The following FCHSD2 variants were observed in gnomAD, a reference collection of about 807,000 sequenced individuals.
The protein encoded by FCHSD2 is F-BAR and double SH3 domains protein 2.
In FCHSD2, 38 loss-of-function variants were observed where a neutral mutation model predicts 108.1. The ratio of observed to expected loss-of-function variants is 0.35; its 90% CI spans 0.27 to 0.46. The LOEUF is 0.46. FCHSD2 is among the 20% of genes least tolerant of loss of function. The pLI, the probability that FCHSD2 is intolerant of heterozygous loss-of-function variation, is 1.00. For synonymous variants in FCHSD2, 279 were observed against 314.7 expected (o/e 0.89, Z 1.20); for missense variants, 751 against 897.8 (o/e 0.84, Z 2.09).
intron 3 of FCHSD2, among the ~76,000 whole-genome samples, chr11:73,052,442 CGTTTAGTGACAATTAATAGT>C (rs1565386528): frequency 6.6e-6 from 1 of 151,878 alleles, no homozygotes; most frequent in African/African-American, 2.4e-5. Flanking sequence ...CTAAACAGTA[CGTTTAGTGACAATTAATAGT>C]GTAATTGTGA....
intron 2 of FCHSD2, among the ~76,000 whole-genome samples, chr11:73,128,384 A>G (rs1407041862): frequency 2.6e-5 from 4 of 152,206 alleles, no homozygotes; most frequent in African/African-American, 9.6e-5. Context: ...CATTACTGCC[A>G]CCACTACCTT....
chr11:73,076,511 G>A (rs1273563612), intron 3 of FCHSD2, among the ~76,000 whole-genome samples: 1 of 152,176 alleles, frequency 6.6e-6, no homozygotes, highest in Admixed American at 6.5e-5. Flanking sequence ...GAGACATAAA[G>A]CTGATGGTTA....
At chr11:72,982,589 T>C (rs974736412) in intron 8 of FCHSD2, among the ~76,000 whole-genome samples, 1 of 152,222 alleles carries the variant, frequency 6.6e-6, no homozygotes, top group Non-Finnish European at 1.5e-5. Context: ...AGGTTTCCTT[T>C]TCCTCTACTA....
intron 9 of FCHSD2, among the ~76,000 whole-genome samples, chr11:72,907,792 A>C (rs1003064928): frequency 2.6e-5 from 4 of 151,716 alleles, no homozygotes; most frequent in Non-Finnish European, 2.9e-5. Context: ...ACAGGGTTTC[A>C]CCATGTTAGC....
rs529940416 is a variant in FCHSD2, at chr11:72,878,187, G to A, written c.1146+9283C>T. Among the ~76,000 whole-genome samples the A allele has an allele frequency of 3.9e-5, 6 of 152,248 alleles. No homozygotes were observed. The South Asian group carries it at 6.2e-4, about 16-fold the overall frequency. The stretch of plus-strand genomic sequence containing the variant: ...ACAACTATTTTGGAGGCTGAGGCAG[G>A]AGGATCATTTGAGTCCAGGAGTTCA... On this transcript the variant is annotated intron_variant, in intron 12 of 19. Coordinates refer to ENST00000409418, the MANE Select transcript of FCHSD2 (RefSeq NM_014824.3).
At chr11:72,882,029 C>T (rs1361607360) in intron 12 of FCHSD2, among the ~76,000 whole-genome samples, 1 of 152,106 alleles carries the variant, frequency 6.6e-6, no homozygotes, top group East Asian at 1.9e-4. Flanking sequence ...CCTGTAGTCC[C>T]GGCTAGTTGG....
chr11:72,857,687 T>A (rs978401467), intron 13 of FCHSD2, among the ~76,000 whole-genome samples: 1 of 151,946 alleles, frequency 6.6e-6, no homozygotes, highest in African/African-American at 2.4e-5. Flanking sequence ...TGACCTCAGA[T>A]GATCCACCTG....
At chr11:73,016,111 T>C (rs897135374) in intron 3 of FCHSD2, among the ~76,000 whole-genome samples, 18 of 152,224 alleles carry the variant, frequency 1.2e-4, no homozygotes, top group African/African-American at 4.3e-4. Flanking sequence ...GAGACCAGCT[T>C]GGCCAACATG....
intron 3 of FCHSD2, among the ~76,000 whole-genome samples, chr11:73,048,819 G>C (rs548706214): frequency 6.6e-6 from 1 of 152,266 alleles, no homozygotes; most frequent in East Asian, 1.9e-4. Flanking sequence ...ATGAATATTT[G>C]CTGAGCAATA....
intron 3 of FCHSD2, among the ~76,000 whole-genome samples, chr11:73,068,852 A>C (rs1439192060): frequency 6.6e-6 from 1 of 151,160 alleles, no homozygotes; most frequent in Non-Finnish European, 1.5e-5. Context: ...AAAAAAATTA[A>C]AAAAACAAAA....
At chr11:72,871,527 CT>C (rs1204383347) in intron 12 of FCHSD2, among the ~76,000 whole-genome samples, 1 of 151,538 alleles carries the variant, frequency 6.6e-6, no homozygotes, top group African/African-American at 2.4e-5. Flanking sequence ...TAAGGTTCCA[CT>C]TACTTAACCT....
chr11:72,852,877 A>T (rs1185428742), intron 13 of FCHSD2, among the ~76,000 whole-genome samples: 1 of 152,202 alleles, frequency 6.6e-6, no homozygotes, highest in Non-Finnish European at 1.5e-5. Flanking sequence ...TCCTTAACAA[A>T]CTAATACAGG....
intron 3 of FCHSD2, among the ~76,000 whole-genome samples, chr11:73,030,304 A>G (rs1858328707): frequency 6.6e-6 from 1 of 152,156 alleles, no homozygotes; most frequent in Admixed American, 6.5e-5. Flanking sequence ...AAGTATGTAT[A>G]AGAGAAAGTT....
chr11:72,934,456 G>A (rs1400726596), intron 8 of FCHSD2, among the ~76,000 whole-genome samples: 3 of 150,836 alleles, frequency 2.0e-5, no homozygotes, highest in Non-Finnish European at 4.4e-5. Flanking sequence ...TCAGCCTCCC[G>A]AGTAGCTGGG....
At chr11:73,035,188 A>ATGTATGTG in intron 3 of FCHSD2, among the ~76,000 whole-genome samples, 1 of 141,542 alleles carries the variant, frequency 7.1e-6, no homozygotes, top group East Asian at 2.0e-4. Context: ...GTATGTATGT[A>ATGTATGTG]TGTATGTATG....
At chr11:73,032,193 C>T (rs919708917) in intron 3 of FCHSD2, among the ~76,000 whole-genome samples, 1 of 151,898 alleles carries the variant, frequency 6.6e-6, no homozygotes, top group Non-Finnish European at 1.5e-5. Context: ...AAAGTAAGAG[C>T]TTTTAGTTTT....
chr11:72,971,990 A>G (rs1438117468), intron 8 of FCHSD2, among the ~76,000 whole-genome samples: 1 of 152,232 alleles, frequency 6.6e-6, no homozygotes, highest in African/African-American at 2.4e-5. Context: ...ATATTTGTCA[A>G]AACTCAACCA....
At chr11:73,115,289 A>G (rs1417649148) in intron 2 of FCHSD2, among the ~76,000 whole-genome samples, 1 of 152,100 alleles carries the variant, frequency 6.6e-6, no homozygotes, top group Non-Finnish European at 1.5e-5. Context: ...AGCCAGTGCC[A>G]GGGTATGGAA....
chr11:72,949,399 G>C (rs191233090), intron 8 of FCHSD2, among the ~76,000 whole-genome samples: 1 of 151,894 alleles, frequency 6.6e-6, no homozygotes, highest in African/African-American at 2.4e-5. Context: ...ACAGTGAGCC[G>C]AGATCATGCC....
Sources: allele counts gnomAD v4.1 joint callset (sites outside exome capture counted in the v4.1 genomes callset), GRCh38; gene constraint gnomAD v4.1.1; transcripts MANE v1.5; gene names NCBI Gene and HGNC (gene_info 2026-07-23, HGNC 2026-07-21).